PRPF40B: variants seen among roughly 807,000 people sequenced by gnomAD.
PRPF40B encodes pre-mRNA-processing factor 40 homolog B.
PRPF40B carries 56 observed loss-of-function variants against 124.5 expected under a neutral mutation model. That is an observed-to-expected ratio of 0.45 (90% confidence interval 0.36 to 0.56). PRPF40B has a LOEUF of 0.56. PRPF40B is among the 20% of genes least tolerant of loss of function. The pLI is 0.00. For synonymous variants in PRPF40B, 443 were observed against 426.4 expected, an observed-to-expected ratio of 1.04 and a Z score of -0.48; for missense variants, 1,053 against 1,169.5, an observed-to-expected ratio of 0.90 and a Z score of 1.45.
Position 49,631,459 on chromosome 12 carries a change from A to G in PRPF40B, c.143A>G (p.Gln48Arg). 6.9e-7 allele frequency: 1 copy of G among 1,457,008 alleles called. No individual in the cohort carries two copies. Among genetic ancestry groups the G allele is most frequent in the Non-Finnish European group, 9.1e-7 (1 of 1,099,300 alleles). 90.3% of individuals were successfully genotyped at this position (1,457,008 alleles called of 1,614,324 possible). Reference sequence around the variant, plus strand: ...CCGATGGGGCTACCCCCCATGAGTCAGAGACCACCAGCTATCCCCCCCATG... The same window carrying G: ...CCGATGGGGCTACCCCCCATGAGTCGGAGACCACCAGCTATCCCCCCCATG... ...FPPMGLPPMS[Q>R]RPPAIPPMPP... The change falls in exon 3 of 26, where the codon CAG becomes CGG. Residue 48 changes from glutamine to arginine, a missense_variant. Gln to Arg is a conservative substitution (Grantham distance 43). This residue lies in a region of PRPF40B where 158 missense variants were observed against 117.3 expected (regional missense o/e 1.35). Transcript: ENST00000548825. The surrounding 1 kb of genome is among the most constrained non-coding windows in gnomAD (Gnocchi z 4.3).
At position 49,631,601 on chromosome 12, in the gene PRPF40B, G is replaced by A. The variant is rs1941234273; in HGVS notation, c.228+57G>A. The A allele has an allele frequency of 1.6e-5, 24 of 1,517,104 alleles. No homozygotes were observed. In the South Asian group the frequency reaches 3.0e-4, roughly 19 times the overall value. 94.0% of individuals were successfully genotyped at this position (1,517,104 alleles called of 1,614,324 possible). A position where few individuals can be genotyped will look rare whatever the true frequency, so the allele number is the denominator to read the frequency against. ...AAACCCTGTCAGTTTAGCTGGGGGT[G>A]GAGATAAGAGCGGGCATGTAGGCCT... On this transcript the variant is annotated intron_variant, in intron 3 of 25. Transcript: ENST00000548825. The surrounding 1 kb of genome is among the most constrained non-coding windows in gnomAD (Gnocchi z 4.3).
chr12:49,627,188 A>G (rs1279722630), intron 1 of PRPF40B, among the ~76,000 whole-genome samples: 2 of 152,206 alleles, frequency 1.3e-5, no homozygotes, highest in East Asian at 1.9e-4. Context: ...CACGGATATT[A>G]TATTTCATTA....
chr12:49,632,987 C>T (rs1170344844), intron 6 of PRPF40B, 27 bp from the exon 7 acceptor site: 7 of 1,575,996 alleles, frequency 4.4e-6, no homozygotes, highest in Non-Finnish European at 6.1e-6. Context: ...GCCTTGACCA[C>T]CATTCTGTGC....
At position 49,632,995 on chromosome 12, in the gene PRPF40B, T is replaced by TGGGGGGGGC; in HGVS notation, c.349-18_349-17insGGGGGGGCG. 1.5e-5 allele frequency: 21 copies of TGGGGGGGGC among 1,365,398 alleles called. No homozygotes were observed. The highest frequency in any genetic ancestry group is 1.7e-5 in the Non-Finnish European group (17 of 979,218). The allele number at this position is 1,365,398 out of a possible 1,614,324, so 84.6% of individuals were successfully genotyped here. A position where few individuals can be genotyped will look rare whatever the true frequency, so the allele number is the denominator to read the frequency against. ...AAAAGGGGCCTTGACCACCATTCTG[T>TGGGGGGGGC]GCCCCCCCCCCCACCCAGAGGGCCC... is the stretch of plus-strand genomic sequence containing the variant. On this transcript the variant is annotated intron_variant, in intron 6 of 25. Coordinates refer to ENST00000548825, the MANE Select transcript of PRPF40B (RefSeq NM_001031698.3).
rs769423273 is a variant in PRPF40B, at chr12:49,636,711, T to C, written c.1427-5T>C. The C allele has an allele frequency of 5.6e-6, 9 of 1,614,034 alleles. No individual in the cohort carries two copies. In the South Asian group the frequency reaches 7.7e-5, roughly 14 times the overall value. ...ATGCCCGCGGAACCTCCTGCCTGTC[T>C]TTAGACATGGACAAGGAAGATGCAC... On this transcript the variant is annotated splice_polypyrimidine_tract_variant and splice_region_variant and intron_variant, in intron 15 of 25. Transcript: ENST00000548825.
In PRPF40B at chr12:49,643,973, G is replaced by A. The variant is rs373535929; in HGVS notation, c.2555G>A (p.Arg852His). 105 of 1,614,186 alleles carry A rather than the reference G, an allele frequency of 6.5e-5. 1 individual carries two copies. The South Asian group carries it at 9.9e-4, about 15-fold the overall frequency. Residue 852 changes from arginine (R) to histidine (H), a missense_variant, in exon 25 of 26, where the codon CGT becomes CAT. Arg to His is a conservative substitution (Grantham distance 29, BLOSUM62 0). This residue lies in a region of PRPF40B where 895 missense variants were observed against 1,052.2 expected (regional missense o/e 0.85). Transcript: ENST00000548825. Reference protein sequence around the residue: ...RELQQAELPNRSPGFGIKKEK... With the variant: ...RELQQAELPNHSPGFGIKKEK... ...CTCCAACAGGCAGAGCTCCCTAACC[G>A]TTCCCCAGGCTTTGGAATCAAGAAG...
chr12:49,642,510 G>A lies in PRPF40B; in HGVS notation c.2023-70G>A. ...CCTTTCTCTGCCCCAGCCCTGCCCT[G>A]TGCTCATGGCGGTGTCCAGGCCAGG... On this transcript the variant is annotated intron_variant, in intron 20 of 25. Transcript: ENST00000548825. The surrounding 1 kb of genome is among the most constrained non-coding windows in gnomAD (Gnocchi z 5.8). The A allele has an allele frequency of 6.9e-6, 11 of 1,590,120 alleles. No homozygotes were observed. Among genetic ancestry groups the A allele is most frequent in the Non-Finnish European group, 9.5e-6 (11 of 1,159,446 alleles).
Position 49,642,216 on chromosome 12 carries a change from G to T in PRPF40B, c.1885-19G>T, listed in dbSNP as rs369486822. 1 of 1,614,096 alleles carries T rather than the reference G, an allele frequency of 6.2e-7. No homozygotes were observed. The highest frequency in any genetic ancestry group is 1.1e-5 in the South Asian group (1 of 91,086). On this transcript the variant is annotated intron_variant, in intron 19 of 25. Coordinates refer to ENST00000548825, the MANE Select transcript of PRPF40B (RefSeq NM_001031698.3). This position sits in a 1 kb window ranked among gnomAD's most constrained non-coding sequence, Gnocchi z 5.8. Reference sequence around the variant, plus strand: ...CCACCCTCCTGGGTGACCCTGTTCCGTGTCCCTTCTTTCCTCAGCTGCTGG... The same window carrying T: ...CCACCCTCCTGGGTGACCCTGTTCCTTGTCCCTTCTTTCCTCAGCTGCTGG...
intron 6 of PRPF40B, 33 bp downstream of exon 6, chr12:49,632,913 GA>G: frequency 6.2e-7 from 1 of 1,613,380 alleles, no homozygotes; most frequent in Non-Finnish European, 8.5e-7. Context: ...TCTCTGGGTA[GA>G]AAGCCTGAGA....
At position 49,627,748 on chromosome 12, in the gene PRPF40B, A is replaced by C. The variant is rs1225323678; in HGVS notation, c.4-2797A>C. ...TTTGAAGAGCTTGTTATAGCTGCTG[A>C]TTGGAGTGGATGTGGGGAAAACAGT... is the stretch of plus-strand genomic sequence containing the variant. On this transcript the variant is annotated intron_variant, in intron 1 of 25. Transcript: ENST00000548825. Among the ~76,000 whole-genome samples, 3 of 152,158 alleles carry C rather than the reference A, an allele frequency of 2.0e-5. No homozygotes were observed. In the East Asian group the frequency reaches 5.8e-4, roughly 29 times the overall value.
Position 49,637,806 on chromosome 12 carries a change from C to A in PRPF40B, c.1749C>A (p.Ile583=). The A allele has an allele frequency of 1.2e-6, 2 of 1,604,470 alleles. No homozygotes were observed. The highest frequency in any genetic ancestry group is 1.7e-6 in the Non-Finnish European group (2 of 1,172,920). ...CACGATTCCATGATGAAAAGAAGAT[C>A]ATTAAGGACATCCTTAAGGTGAGGG... ...LKARFHDEKK[I]IKDILKDRGF... is the part of the protein sequence containing the mutation. The change falls in exon 18 of 26, where the codon ATC becomes ATA. Residue 583 remains isoleucine, a synonymous_variant. Coordinates refer to ENST00000548825, the MANE Select transcript of PRPF40B (RefSeq NM_001031698.3).
chr12:49,641,603 C>G (rs1942662464), intron 18 of PRPF40B: 3 of 359,012 alleles, frequency 8.4e-6, no homozygotes, highest in Non-Finnish European at 1.5e-5. Context: ...GAGGGCCCAG[C>G]TGGGGCCAGA....
At chr12:49,636,943 GTTCT>G in intron 16 of PRPF40B, 94 bp downstream of exon 16, 2 of 1,570,410 alleles carry the variant, frequency 1.3e-6, no homozygotes, top group East Asian at 2.2e-5. Context: ...TACGCTGCCT[GTTCT>G]TTCTGTGCCT....
intron 1 of PRPF40B, among the ~76,000 whole-genome samples, chr12:49,627,938 C>T (rs531083508): frequency 2.0e-5 from 3 of 152,204 alleles, no homozygotes; most frequent in South Asian, 2.1e-4. Flanking sequence ...GAGAGTGACT[C>T]ATAGGTTTCC....
chr12:49,633,686 T>C, intron 9 of PRPF40B, 25 bp downstream of exon 9: 1 of 1,614,036 alleles, frequency 6.2e-7, no homozygotes, highest in Non-Finnish European at 8.5e-7. Flanking sequence ...CACCTATCCA[T>C]TTATAGTTGG....
intron 15 of PRPF40B, 57 bp downstream of exon 15, chr12:49,636,050 A>AC: frequency 6.3e-7 from 1 of 1,596,624 alleles, no homozygotes; most frequent in Admixed American, 1.7e-5. Context: ...TGGACCTGGG[A>AC]CCCCAGAGTC....
chr12:49,634,599 A>G lies in PRPF40B; in HGVS notation c.998A>G (p.Tyr333Cys), dbSNP rs745405961. 2 of 1,614,124 alleles carry G rather than the reference A, an allele frequency of 1.2e-6. No homozygotes were observed. The highest frequency in any genetic ancestry group is 1.7e-6 in the Non-Finnish European group (2 of 1,179,988). ...AMKMVVTDPR[Y>C]SALPKLSEKK... ...AAGATGGTGGTCACCGACCCCCGTT[A>G]CAGGTAGGCCTGGGCAGAGGGAGCC... Residue 333 changes from tyrosine (Y) to cysteine (C), a missense_variant, in exon 12 of 26, where the codon TAC becomes TGC. Around this residue, in one of 2 missense-constraint regions of PRPF40B, gnomAD observed 895 missense variants for 1,052.2 expected, o/e 0.85. Transcript: ENST00000548825.
chr12:49,633,897 A>G lies in PRPF40B; in HGVS notation c.617A>G (p.Gln206Arg), dbSNP rs377331965. The change falls in exon 10 of 26, where the codon CAG (glutamine) becomes CGG (arginine). Residue 206 changes from glutamine to arginine, a missense_variant. Around this residue, in one of 2 missense-constraint regions of PRPF40B, gnomAD observed 895 missense variants for 1,052.2 expected, o/e 0.85. Transcript: ENST00000548825. ...TGGCTCATCTGCAGGAAACAGCAGCAGCAGCTGCCACAGACACTTCAGCCA... is the reference window on the plus strand; with the variant it reads ...TGGCTCATCTGCAGGAAACAGCAGCGGCAGCTGCCACAGACACTTCAGCCA... The part of the protein sequence containing the change: ...VKQEAAGKQQ[Q>R]QLPQTLQPQP... 1.2e-6 allele frequency: 2 copies of G among 1,614,082 alleles called. No individual in the cohort carries two copies. Among genetic ancestry groups the G allele is most frequent in the African/African-American group, 1.3e-5 (1 of 75,054 alleles).
intron 1 of PRPF40B, among the ~76,000 whole-genome samples, chr12:49,628,371 G>A (rs144029929): frequency 1.9e-3 from 289 of 151,522 alleles, no homozygotes; most frequent in African/African-American, 6.7e-3. Flanking sequence ...AGCAGTTCTC[G>A]TGCCTCAGCC....
Sources: gnomAD v4.1 joint callset for allele counts (sites outside exome capture counted in the v4.1 genomes callset) on GRCh38, gnomAD v4.1.1 for gene constraint, gnomAD v4.1.1 regional missense constraint, Gnocchi (gnomAD v3.1) non-coding constraint, MANE v1.5 for transcripts, NCBI Gene and HGNC (gene_info 2026-07-23, HGNC 2026-07-21) for gene names.